TENM1: variants seen among roughly 807,000 people sequenced by gnomAD.
TENM1 encodes teneurin-1.
TENM1 carries 35 observed loss-of-function variants against 174.8 expected under a neutral mutation model. The observed-to-expected ratio is 0.20, with a 90% CI of 0.15 to 0.27. The LOEUF is 0.27. TENM1 is among the 10% of genes least tolerant of loss of function. TENM1 has a pLI of 1.00. For missense variants in TENM1, 1,633 were observed against 2,130.1 expected, an observed-to-expected ratio of 0.77 and a Z score of 4.59; for synonymous variants, 781 against 798.7, an observed-to-expected ratio of 0.98 and a Z score of 0.37.
At chrX:124,648,233 T>C (rs761816455) in intron 8 of TENM1, among the ~76,000 whole-genome samples, 45 of 112,494 alleles carry the variant, frequency 4.0e-4, no homozygotes, top group Admixed American at 1.7e-3. Flanking sequence ...AACTTTGTTC[T>C]AAATGTTGCA....
chrX:124,394,370 A>AG (rs2060311929), intron 27 of TENM1, among the ~76,000 whole-genome samples: 1 of 112,061 alleles, frequency 8.9e-6, no homozygotes, highest in African/African-American at 3.2e-5. Context: ...ATATACTCTT[A>AG]GGGGGGCTTT....
intron 3 of TENM1, among the ~76,000 whole-genome samples, chrX:124,755,539 A>G (rs1386824867): frequency 9.0e-6 from 1 of 110,931 alleles, no homozygotes; most frequent in Admixed American, 9.6e-5. Context: ...TTATGATGTT[A>G]GCTGGTGATT....
intron 3 of TENM1, among the ~76,000 whole-genome samples, chrX:124,868,168 G>A (rs1297864191): frequency 8.9e-6 from 1 of 111,950 alleles, no homozygotes; most frequent in Non-Finnish European, 1.9e-5. Flanking sequence ...AGCCAGAATA[G>A]CTAAAGCTAT....
At chrX:125,077,145 C>G in the TENM1 span, among the ~76,000 whole-genome samples, 1 of 111,024 alleles carries the variant, frequency 9.0e-6, no homozygotes, top group African/African-American at 3.3e-5. Context: ...ATAAAATAAT[C>G]GGAAGGAACT....
chrX:124,568,946 G>A (rs1277556074), intron 11 of TENM1, among the ~76,000 whole-genome samples: 1 of 111,929 alleles, frequency 8.9e-6, no homozygotes, highest in Non-Finnish European at 1.9e-5. Context: ...GCATACACCT[G>A]TAATCCCAGC....
At chrX:125,047,264 G>A in the TENM1 span, among the ~76,000 whole-genome samples, 1 of 111,643 alleles carries the variant, frequency 9.0e-6, no homozygotes, top group African/African-American at 3.2e-5. Flanking sequence ...AGTGTTTGAA[G>A]CTTATACAGT....
intron 5 of TENM1, among the ~76,000 whole-genome samples, chrX:124,684,102 A>G (rs775368652): frequency 4.9e-4 from 55 of 112,451 alleles, no homozygotes; most frequent in African/African-American, 1.7e-3. Flanking sequence ...TTCACAAAAA[A>G]GAAATGGAAA....
intron 1 of TENM1, among the ~76,000 whole-genome samples, chrX:124,959,217 A>G (rs952863719): frequency 7.2e-5 from 8 of 111,570 alleles, no homozygotes; most frequent in Non-Finnish European, 1.3e-4. Context: ...AAAAAAGATG[A>G]TAATTAGGCC....
At chrX:124,783,693 T>G (rs2054971092) in intron 3 of TENM1, among the ~76,000 whole-genome samples, 1 of 111,556 alleles carries the variant, frequency 9.0e-6, no homozygotes, top group Non-Finnish European at 1.9e-5. Flanking sequence ...AGGGAAGGCA[T>G]GGGTTAATTT....
exon 19 of TENM1, chrX:124,503,698 C>T: frequency 8.4e-7 from 1 of 1,185,824 alleles, no homozygotes; most frequent in Non-Finnish European, 1.1e-6. Flanking sequence ...TCATATCCCA[C>T]AGATACTGCA....
intron 5 of TENM1, among the ~76,000 whole-genome samples, chrX:124,696,992 T>C (rs2052666199): frequency 9.0e-6 from 1 of 111,214 alleles, no homozygotes; most frequent in Non-Finnish European, 1.9e-5. Flanking sequence ...TCTATGTATA[T>C]ATGCTAGCCT....
intron 3 of TENM1, among the ~76,000 whole-genome samples, chrX:124,795,667 C>A (rs776399869): frequency 7.2e-5 from 8 of 110,746 alleles, no homozygotes; most frequent in Non-Finnish European, 1.5e-4. Context: ...AAAAAAACCA[C>A]CCTAAGAGAT....
At chrX:124,495,913 T>G (rs1305227443) in intron 20 of TENM1, among the ~76,000 whole-genome samples, 1 of 101,963 alleles carries the variant, frequency 9.8e-6, no homozygotes, top group Admixed American at 1.1e-4. Flanking sequence ...CATCGCCAAG[T>G]CAATCCTAAG....
chrX:124,874,324 T>A lies in TENM1; in HGVS notation c.535+19972A>T, dbSNP rs755429549. 2.7e-5 allele frequency among the ~76,000 whole-genome samples: 3 copies of A among 111,510 alleles called. No homozygotes were observed. In the East Asian group the frequency reaches 8.4e-4, roughly 31 times the overall value. On this transcript the variant is annotated intron_variant, in intron 3 of 31. Transcript: ENST00000422452. ...ATAGGTGATAAATGATAAAATTTAG[T>A]TCAGTTTTAATATGCATTTCTCTTA... is the stretch of plus-strand genomic sequence containing the variant.
chrX:124,772,938 T>C (rs2054691895), intron 3 of TENM1, among the ~76,000 whole-genome samples: 1 of 111,759 alleles, frequency 8.9e-6, no homozygotes, highest in African/African-American at 3.3e-5. Flanking sequence ...AAGTCTTTAT[T>C]GACAAAATAA....
intron 23 of TENM1, among the ~76,000 whole-genome samples, chrX:124,431,350 A>C (rs1569531308): frequency 8.9e-6 from 1 of 112,260 alleles, no homozygotes; most frequent in Non-Finnish European, 1.9e-5. Flanking sequence ...CTCATTTAAA[A>C]AATGACTCTG....
intron 18 of TENM1, among the ~76,000 whole-genome samples, chrX:124,517,838 TA>T (rs201419506): frequency 0.22 from 80 of 368 alleles, no homozygotes; most frequent in East Asian, 0.56. Flanking sequence ...AATAATAAAT[TA>T]AAAGGAATTG....
At chrX:124,750,029 T>A (rs2054024530) in intron 3 of TENM1, among the ~76,000 whole-genome samples, 1 of 112,134 alleles carries the variant, frequency 8.9e-6, no homozygotes, top group Admixed American at 9.5e-5. Context: ...TGAAACCAAT[T>A]TTCTTTCAAA....
chrX:125,106,503 G>A, the TENM1 span, among the ~76,000 whole-genome samples: 5 of 108,510 alleles, frequency 4.6e-5, no homozygotes, highest in Admixed American at 2.9e-4. Context: ...TGTGCCTCCC[G>A]GGTTCACACC....
Sources: allele counts gnomAD v4.1 joint callset (sites outside exome capture counted in the v4.1 genomes callset), GRCh38; gene constraint gnomAD v4.1.1; transcripts MANE v1.5; gene names NCBI Gene and HGNC (gene_info 2026-07-23, HGNC 2026-07-21).